Variants in FMNL2 observed in about 807,000 individuals in gnomAD.
The protein encoded by FMNL2 is formin like 2.
FMNL2 carries 51 observed loss-of-function variants against 130.2 expected under a neutral mutation model. The observed-to-expected ratio is 0.39, with a 90% CI of 0.31 to 0.49. The LOEUF is 0.49. Among genes scored for constraint, FMNL2 ranks in the 20% least tolerant of loss-of-function variants. FMNL2 has a pLI of 0.85. For missense variants in FMNL2, 977 were observed against 1,316.2 expected (o/e 0.74, Z 3.99); for synonymous variants, 465 against 467.1 (o/e 1.00, Z 0.06).
chr2:152,467,999 G>A lies in FMNL2; in HGVS notation c.118-53944G>A, dbSNP rs561438494. On this transcript the variant is annotated intron_variant, in intron 1 of 25. Transcript: ENST00000288670. Reference sequence around the variant, plus strand: ...CAGAAGATCTGGATTTTCAAGCTGGGCAGTTGGCCTCCAGAGCTCAGGCTC... The same window carrying A: ...CAGAAGATCTGGATTTTCAAGCTGGACAGTTGGCCTCCAGAGCTCAGGCTC... Among the ~76,000 whole-genome samples, 13 of 152,344 alleles carry A rather than the reference G, an allele frequency of 8.5e-5. No individual in the cohort carries two copies. The South Asian group carries it at 2.3e-3, about 27-fold the overall frequency.
intron 1 of FMNL2, among the ~76,000 whole-genome samples, chr2:152,447,994 A>C (rs560737984): frequency 9.2e-5 from 14 of 152,258 alleles, no homozygotes; most frequent in African/African-American, 3.4e-4. Flanking sequence ...CTTAACTGTA[A>C]TTTGATAGAG....
intron 15 of FMNL2, among the ~76,000 whole-genome samples, chr2:152,621,514 A>G (rs1228023431): frequency 3.3e-5 from 5 of 152,120 alleles, no homozygotes; most frequent in East Asian, 1.9e-4. Flanking sequence ...AGGGTTTGCT[A>G]TACTTGGAAG....
chr2:152,461,459 A>T (rs1420147075), intron 1 of FMNL2, among the ~76,000 whole-genome samples: 1 of 152,188 alleles, frequency 6.6e-6, no homozygotes, highest in Non-Finnish European at 1.5e-5. Flanking sequence ...TTTGATCTGT[A>T]TTTAGATTAT....
At chr2:152,561,944 T>C (rs1695555521) in intron 6 of FMNL2, among the ~76,000 whole-genome samples, 1 of 152,178 alleles carries the variant, frequency 6.6e-6, no homozygotes. Context: ...AATAGTACCA[T>C]GCTAAGGGAG....
chr2:152,521,847 A>AT, intron 1 of FMNL2, 96 bp from the exon 2 acceptor site: 2 of 906,282 alleles, frequency 2.2e-6, no homozygotes, highest in Non-Finnish European at 3.5e-6. Context: ...GTCATGAAAA[A>AT]ACCATAGTGG....
chr2:152,338,836 C>CACACACACATAA (rs1553862447), intron 1 of FMNL2, among the ~76,000 whole-genome samples: 2 of 151,324 alleles, frequency 1.3e-5, no homozygotes, highest in African/African-American at 4.9e-5. Flanking sequence ...CACACACACA[C>CACACACACATAA]ACACACACAC....
At chr2:152,624,569 T>C (rs562153227) in intron 15 of FMNL2, among the ~76,000 whole-genome samples, 1 of 152,288 alleles carries the variant, frequency 6.6e-6, no homozygotes, top group South Asian at 2.1e-4. Flanking sequence ...CTGGGCAAGA[T>C]GGCTCACGCC....
intron 4 of FMNL2, among the ~76,000 whole-genome samples, chr2:152,549,786 C>G (rs1257409768): frequency 6.6e-6 from 1 of 152,214 alleles, no homozygotes; most frequent in Non-Finnish European, 1.5e-5. Context: ...GATGGCTTCT[C>G]TCTAAGGTAG....
chr2:152,605,870 C>T (rs1395952200), intron 9 of FMNL2, among the ~76,000 whole-genome samples: 1 of 152,164 alleles, frequency 6.6e-6, no homozygotes, highest in South Asian at 2.1e-4. Flanking sequence ...GGATTTACCC[C>T]CGGTGGTGCC....
At chr2:152,597,252 T>C (rs1399790501) in intron 9 of FMNL2, among the ~76,000 whole-genome samples, 1 of 152,240 alleles carries the variant, frequency 6.6e-6, no homozygotes, top group Non-Finnish European at 1.5e-5. Flanking sequence ...AGGTGCACTT[T>C]GTTCATTTTC....
At chr2:152,627,059 C>T (rs1553490010) in intron 17 of FMNL2, among the ~76,000 whole-genome samples, 1 of 152,190 alleles carries the variant, frequency 6.6e-6, no homozygotes, top group Non-Finnish European at 1.5e-5. Context: ...GCAATGCTTA[C>T]ATAAAAGGAA....
intron 15 of FMNL2, among the ~76,000 whole-genome samples, chr2:152,622,803 T>G (rs1681442848): frequency 6.8e-6 from 1 of 147,900 alleles, no homozygotes; most frequent in Non-Finnish European, 1.5e-5. Context: ...CCATTTCCTC[T>G]GAGAAAAGGT....
rs748047033 is a variant in FMNL2, at chr2:152,628,403, A to G, written c.2270A>G (p.Lys757Arg). The G allele has an allele frequency of 4.3e-6, 7 of 1,613,946 alleles. No individual in the cohort carries two copies. Among genetic ancestry groups the G allele is most frequent in the South Asian group, 1.1e-5 (1 of 91,088 alleles). ...CTTCGGCTCTACGAGCGGGAAAGGA[A>G]GCCTCTGGAAAACTTGTCAGATGAA... ...KVLRLYERERKPLENLSDEDR... is the reference protein window; with the variant it reads ...KVLRLYERERRPLENLSDEDR... Residue 757 changes from lysine (K) to arginine (R), a missense_variant, in exon 18 of 26, where the codon AAG becomes AGG. Transcript: ENST00000288670.
intron 1 of FMNL2, among the ~76,000 whole-genome samples, chr2:152,359,815 C>T (rs1300613353): frequency 1.3e-5 from 2 of 152,144 alleles, no homozygotes; most frequent in Non-Finnish European, 2.9e-5. Context: ...ATCTTCACTA[C>T]TTTTTGAGGG....
chr2:152,364,261 GTTTTTTTT>G (rs869062341), intron 1 of FMNL2, among the ~76,000 whole-genome samples: 4 of 24,460 alleles, frequency 1.6e-4, no homozygotes, highest in African/African-American at 5.1e-4. Context: ...AGGTTTGTGT[GTTTTTTTT>G]TTTTTTTTTT....
At chr2:152,521,771 C>T (rs550360898) in intron 1 of FMNL2, among the ~76,000 whole-genome samples, 172 bp from the exon 2 acceptor site, 5 of 152,230 alleles carry the variant, frequency 3.3e-5, no homozygotes, top group African/African-American at 2.4e-5. Flanking sequence ...CTCATCTAAC[C>T]GATTTGATGT....
chr2:152,480,704 T>G (rs1394895474), intron 1 of FMNL2, among the ~76,000 whole-genome samples: 1 of 144,594 alleles, frequency 6.9e-6, no homozygotes, highest in Non-Finnish European at 1.5e-5. Context: ...CAAAAAAAAC[T>G]TTGGGGATAA....
chr2:152,631,891 G>A, intron 20 of FMNL2, 117 bp from the exon 21 acceptor site: 1 of 1,141,682 alleles, frequency 8.8e-7, no homozygotes, highest in South Asian at 1.7e-5. Flanking sequence ...GAATGCTCCA[G>A]CCTGTTGGGC....
rs55989531 is a variant in FMNL2 at position 152,495,653 on chromosome 2, C to CAAAA, written c.118-26279_118-26276dup. Among the ~76,000 whole-genome samples, 14 of 48,546 alleles carry CAAAA rather than the reference C, an allele frequency of 2.9e-4. 1 individual carries two copies. Among genetic ancestry groups the CAAAA allele is most frequent in the Admixed American group, 7.4e-4 (2 of 2,694 alleles). 31.8% of individuals were successfully genotyped at this position (48,546 alleles called of 152,430 possible). Reference sequence around the variant, plus strand: ...GTGACAGAGTGAGACTCCGTCTCACCAAAAAAAAAAAAAAGATTTTTTTCA... The same window carrying CAAAA: ...GTGACAGAGTGAGACTCCGTCTCACCAAAAAAAAAAAAAAAAAAGATTTTTTTCA... On this transcript the variant is annotated intron_variant, in intron 1 of 25. Coordinates refer to ENST00000288670, the MANE Select transcript of FMNL2 (RefSeq NM_052905.4).
Sources: gnomAD v4.1 joint callset for allele counts (sites outside exome capture counted in the v4.1 genomes callset) on GRCh38, gnomAD v4.1.1 for gene constraint, MANE v1.5 for transcripts, NCBI Gene and HGNC (gene_info 2026-07-23, HGNC 2026-07-21) for gene names.